The following TMA16 variants were observed in gnomAD, a reference collection of about 807,000 sequenced individuals.
The protein encoded by TMA16 is translation machinery-associated protein 16.
A neutral mutation model predicts 27.1 loss-of-function variants in TMA16; 26 were observed. That is an observed-to-expected ratio of 0.96 (90% CI 0.70 to 1.33). TMA16 has a LOEUF of 1.33. TMA16 is among the 40% of genes most tolerant of loss of function. TMA16 has a pLI of 0.00. For missense variants in TMA16, 233 were observed against 241.4 expected, an observed-to-expected ratio of 0.97 and a Z score of 0.23; for synonymous variants, 71 against 81.9, an observed-to-expected ratio of 0.87 and a Z score of 0.72.
chr4:163,515,363 G>T lies in TMA16; in HGVS notation c.290G>T (p.Ser97Ile), dbSNP rs76050545. The change falls in exon 5 of 7, where the codon AGT becomes ATT. Residue 97 changes from serine to isoleucine, a missense_variant. Physicochemically the swap from Ser to Ile is moderately radical, Grantham distance 142 (BLOSUM62 -2). Transcript: ENST00000358572. ...SELEQIELHNSIRDRQGRRHC... is the reference protein window; with the variant it reads ...SELEQIELHNIIRDRQGRRHC... The stretch of plus-strand genomic sequence containing the variant: ...CTGGAGCAGATTGAGTTACATAACA[G>T]TATCAGGGACAGGCAGGGGAGGCGG... The T allele has an allele frequency of 1.3e-5, 21 of 1,613,852 alleles. No homozygotes were observed. In the African/African-American group the frequency reaches 2.4e-4, roughly 18 times the overall value.
chr4:163,496,154 C>T (rs539575987), intron 1 of TMA16, among the ~76,000 whole-genome samples: 5 of 152,210 alleles, frequency 3.3e-5, no homozygotes, highest in African/African-American at 1.2e-4. Context: ...GATATAACCT[C>T]ATTAGTGGTT....
At chr4:163,506,782 G>A (rs902452932) in intron 1 of TMA16, among the ~76,000 whole-genome samples, 2 of 152,074 alleles carry the variant, frequency 1.3e-5, no homozygotes, top group African/African-American at 4.8e-5. Context: ...TGAGTTTATT[G>A]ACTCCTTCTG....
intron 5 of TMA16, 128 bp downstream of exon 5, chr4:163,515,589 T>G: frequency 2.4e-6 from 3 of 1,274,448 alleles, no homozygotes; most frequent in Non-Finnish European, 3.2e-6. Flanking sequence ...TCTTTTTCTT[T>G]GTGAGGGTTT....
At chr4:163,497,104 G>A (rs377411817) in intron 1 of TMA16, among the ~76,000 whole-genome samples, 75 of 152,158 alleles carry the variant, frequency 4.9e-4, no homozygotes, top group East Asian at 4.8e-3. Flanking sequence ...ATCATCCTCC[G>A]TGCATTTATC....
intron 1 of TMA16, 133 bp from the exon 2 acceptor site, chr4:163,506,900 T>A: frequency 1.5e-6 from 1 of 668,104 alleles, no homozygotes; most frequent in South Asian, 2.3e-5. Context: ...CTCCTGATTT[T>A]TCTTGTAATA....
Position 163,513,579 on chromosome 4 carries a change from G to T in TMA16, c.155-495G>T, listed in dbSNP as rs971723072. ...CAGCTCTTATATGCTTAATGTATTT[G>T]CTAACTTTGGGGCCCTGGACAGGTC... is the stretch of plus-strand genomic sequence containing the variant. On this transcript the variant is annotated intron_variant, in intron 3 of 6. Coordinates refer to ENST00000358572, the MANE Select transcript of TMA16 (RefSeq NM_018352.3). Among the ~76,000 whole-genome samples the T allele has an allele frequency of 4.3e-4, 65 of 152,024 alleles. 1 individual carries two copies. Among genetic ancestry groups the T allele is most frequent in the Non-Finnish European group, 4.4e-5 (3 of 68,012 alleles).
intron 1 of TMA16, among the ~76,000 whole-genome samples, chr4:163,497,500 A>G (rs1313616003): frequency 6.6e-6 from 1 of 152,194 alleles, no homozygotes; most frequent in African/African-American, 2.4e-5. Context: ...GTCTTAACTG[A>G]GATAAAATTA....
intron 1 of TMA16, among the ~76,000 whole-genome samples, chr4:163,504,411 C>G (rs1737691135): frequency 6.6e-6 from 1 of 152,186 alleles, no homozygotes; most frequent in Non-Finnish European, 1.5e-5. Context: ...CTGGTCTCCT[C>G]TCCCTCAAGG....
At chr4:163,504,477 C>G (rs900583172) in intron 1 of TMA16, among the ~76,000 whole-genome samples, 5 of 152,068 alleles carry the variant, frequency 3.3e-5, no homozygotes, top group African/African-American at 1.2e-4. Flanking sequence ...CAAGGCACAG[C>G]TGCGGAGAGT....
intron 2 of TMA16, among the ~76,000 whole-genome samples, chr4:163,508,857 G>A (rs1022034042): frequency 6.6e-6 from 1 of 152,252 alleles, no homozygotes; most frequent in African/African-American, 2.4e-5. Flanking sequence ...CAGAATTAGC[G>A]TTATAGAAAA....
chr4:163,507,076 T>C lies in TMA16; in HGVS notation c.47T>C (p.Val16Ala). The C allele has an allele frequency of 6.3e-7, 1 of 1,595,866 alleles. No individual in the cohort carries two copies. Residue 16 changes from valine to alanine, a missense_variant, in exon 2 of 7, where the codon GTC (valine) becomes GCC (alanine). Physicochemically the swap from Val to Ala is moderately conservative, Grantham distance 64. Transcript: ENST00000358572. ...KGKSAGREKK[V>A]IHPYSRKAAQ... is the part of the protein sequence containing the mutation. ...AAAAGTGCAGGACGGGAAAAAAAAG[T>C]CATCCATCCATATAGTAGAAAAGCA... is the stretch of plus-strand genomic sequence containing the variant.
In TMA16 at chr4:163,505,301, A is replaced by G. The variant is rs149182490; in HGVS notation, c.4-1732A>G. Among the ~76,000 whole-genome samples the G allele has an allele frequency of 3.8e-3, 574 of 152,318 alleles. 3 individuals are homozygous for G. The highest frequency in any genetic ancestry group is 0.013 in the African/African-American group (538 of 41,566). On this transcript the variant is annotated intron_variant, in intron 1 of 6. Coordinates refer to ENST00000358572, the MANE Select transcript of TMA16 (RefSeq NM_018352.3). ...AGCAGAGAGATACATAAAAGAGTACATATACTCTTATATGATGGTTCTACA... is the reference window on the plus strand; with the variant it reads ...AGCAGAGAGATACATAAAAGAGTACGTATACTCTTATATGATGGTTCTACA...
intron 1 of TMA16, among the ~76,000 whole-genome samples, chr4:163,505,776 A>G (rs1265659911): frequency 6.6e-6 from 1 of 152,148 alleles, no homozygotes; most frequent in Admixed American, 6.5e-5. Context: ...ACTTTACTAT[A>G]TTAGTGTTTT....
chr4:163,499,893 T>C (rs375620440), intron 1 of TMA16, among the ~76,000 whole-genome samples: 5 of 152,304 alleles, frequency 3.3e-5, no homozygotes, highest in African/African-American at 1.2e-4. Context: ...ACACAGCAAA[T>C]GTTACAAATA....
chr4:163,515,208 A>G (rs1334571127), intron 4 of TMA16, 105 bp from the exon 5 acceptor site: 3 of 1,165,188 alleles, frequency 2.6e-6, no homozygotes, highest in Admixed American at 3.3e-5. Context: ...AGAAACATAA[A>G]CATTTAAAGG....
At chr4:163,499,033 A>C (rs1737607386) in intron 1 of TMA16, among the ~76,000 whole-genome samples, 1 of 152,194 alleles carries the variant, frequency 6.6e-6, no homozygotes, top group Admixed American at 6.5e-5. Context: ...GATTACTAAT[A>C]CACCCACACC....
chr4:163,517,358 A>T, intron 5 of TMA16, 76 bp from the exon 6 acceptor site: 1 of 1,388,598 alleles, frequency 7.2e-7, no homozygotes, highest in Non-Finnish European at 1.0e-6. Flanking sequence ...CTTGCTAAAA[A>T]TTATTATTTG....
chr4:163,518,959 ACT>A (rs1560917585), intron 6 of TMA16, among the ~76,000 whole-genome samples: 1 of 152,166 alleles, frequency 6.6e-6, no homozygotes, highest in Non-Finnish European at 1.5e-5. Context: ...TTAATACAAT[ACT>A]GAGGTTGAAA....
chr4:163,494,832 G>T, intron 1 of TMA16, 28 bp downstream of exon 1: 3 of 1,610,522 alleles, frequency 1.9e-6, no homozygotes, highest in African/African-American at 1.3e-5. Flanking sequence ...CCCCCGAACC[G>T]CTCGGTTGGT....
Sources: gnomAD v4.1 joint callset for allele counts (sites outside exome capture counted in the v4.1 genomes callset) on GRCh38, gnomAD v4.1.1 for gene constraint, MANE v1.5 for transcripts, NCBI Gene and HGNC (gene_info 2026-07-23, HGNC 2026-07-21) for gene names.